The following KCNIP4 variants were observed in gnomAD, a reference collection of about 807,000 sequenced individuals.
KCNIP4 encodes potassium voltage-gated channel interacting protein 4, also known as Kv channel-interacting protein 4.
In KCNIP4, 12 loss-of-function variants were observed where a neutral mutation model predicts 34.0. The observed-to-expected ratio is 0.35, with a 90% CI of 0.23 to 0.57. The LOEUF is 0.57. KCNIP4 is among the 20% of genes least tolerant of loss of function. KCNIP4 has a pLI of 0.83. For missense variants in KCNIP4, 238 were observed against 311.7 expected (o/e 0.76, Z 1.78); for synonymous variants, 124 against 102.2 (o/e 1.21, Z -1.29).
intron 1 of KCNIP4, among the ~76,000 whole-genome samples, chr4:21,779,823 C>T (rs934687211): frequency 3.3e-5 from 5 of 151,694 alleles, no homozygotes; most frequent in Middle Eastern, 3.2e-3. Flanking sequence ...CCCAGCCTGT[C>T]GGGAGGCTGA....
At chr4:21,598,814 G>A (rs1449217379) in intron 1 of KCNIP4, among the ~76,000 whole-genome samples, 2 of 152,010 alleles carry the variant, frequency 1.3e-5, no homozygotes, top group Non-Finnish European at 2.9e-5. Context: ...TCCAATTTAC[G>A]AATTTTCAGT....
intron 1 of KCNIP4, among the ~76,000 whole-genome samples, chr4:21,370,353 G>A (rs1720218011): frequency 6.8e-6 from 1 of 146,568 alleles, no homozygotes; most frequent in South Asian, 2.1e-4. Flanking sequence ...TACATGTCAG[G>A]GATCTTTCCT....
chr4:21,586,006 G>T (rs2109082412), intron 1 of KCNIP4, among the ~76,000 whole-genome samples: 1 of 152,116 alleles, frequency 6.6e-6, no homozygotes, highest in Admixed American at 6.6e-5. Flanking sequence ...GAACAATAAT[G>T]ATACTGTTTA....
intron 1 of KCNIP4, among the ~76,000 whole-genome samples, chr4:21,088,110 C>G (rs1275058975): frequency 7.5e-6 from 1 of 132,912 alleles, no homozygotes; most frequent in Non-Finnish European, 1.5e-5. Flanking sequence ...GCCATTGTAT[C>G]TGAAATGTTG....
At chr4:20,883,790 C>T (rs560961086) in intron 1 of KCNIP4, among the ~76,000 whole-genome samples, 58 of 152,276 alleles carry the variant, frequency 3.8e-4, no homozygotes, top group African/African-American at 1.2e-3. Flanking sequence ...CAACAGTATC[C>T]ACTGGCTAAA....
intron 1 of KCNIP4, among the ~76,000 whole-genome samples, chr4:21,760,281 C>T (rs1415770226): frequency 1.3e-5 from 2 of 152,002 alleles, no homozygotes; most frequent in Non-Finnish European, 2.9e-5. Context: ...ATCTTGAGTG[C>T]TCTGCTGATG....
At chr4:21,887,977 T>C (rs1726878605) in intron 1 of KCNIP4, among the ~76,000 whole-genome samples, 2 of 152,064 alleles carry the variant, frequency 1.3e-5, no homozygotes, top group Non-Finnish European at 2.9e-5. Context: ...TGTTCAACTA[T>C]GATAGTTCAT....
chr4:21,846,464 A>T (rs1724021722), intron 1 of KCNIP4: 2 of 152,108 alleles, frequency 1.3e-5, no homozygotes, highest in South Asian at 4.1e-4. Context: ...CAAGTCATCT[A>T]ACAAGTCTGT....
chr4:21,827,225 T>C (rs545208864), intron 1 of KCNIP4, among the ~76,000 whole-genome samples: 1 of 152,114 alleles, frequency 6.6e-6, no homozygotes, highest in East Asian at 1.9e-4. Flanking sequence ...AAAAATCCAG[T>C]GTATGGTGGT....
At chr4:20,831,377 T>C (rs951558108) in intron 3 of KCNIP4, among the ~76,000 whole-genome samples, 1 of 152,142 alleles carries the variant, frequency 6.6e-6, no homozygotes, top group African/African-American at 2.4e-5. Context: ...TCTCTTTGCA[T>C]TGAACCACAC....
At chr4:21,905,627 T>A (rs1221111976) in intron 1 of KCNIP4, among the ~76,000 whole-genome samples, 1 of 152,122 alleles carries the variant, frequency 6.6e-6, no homozygotes, top group Non-Finnish European at 1.5e-5. Flanking sequence ...AAACACCGGA[T>A]GTTCTCACTC....
intron 3 of KCNIP4, among the ~76,000 whole-genome samples, chr4:20,784,950 A>T (rs559941990): frequency 1.3e-5 from 2 of 152,170 alleles, no homozygotes; most frequent in Non-Finnish European, 2.9e-5. Context: ...GCATTCCCCC[A>T]TTCCAGCATG....
At chr4:20,760,482 C>G (rs1296385663) in intron 3 of KCNIP4, among the ~76,000 whole-genome samples, 1 of 152,138 alleles carries the variant, frequency 6.6e-6, no homozygotes, top group Non-Finnish European at 1.5e-5. Flanking sequence ...CTGTAATGTG[C>G]TTCACCTGCA....
intron 1 of KCNIP4, among the ~76,000 whole-genome samples, chr4:21,659,033 A>G (rs995034799): frequency 5.9e-5 from 9 of 152,242 alleles, no homozygotes; most frequent in Non-Finnish European, 8.8e-5. Context: ...TAATTTAATT[A>G]GCAGTTTAAA....
intron 3 of KCNIP4, among the ~76,000 whole-genome samples, chr4:20,773,525 G>GTTTCCTTTTTATGAACGGTGAC (rs1431245822): frequency 6.6e-6 from 1 of 152,200 alleles, no homozygotes; most frequent in Non-Finnish European, 1.5e-5. Flanking sequence ...GGGCTCTCTG[G>GTTTCCTTTTTATGAACGGTGAC]AGCTCAGACG....
intron 1 of KCNIP4, among the ~76,000 whole-genome samples, chr4:21,556,930 A>AAC (rs1553903109): frequency 9.2e-6 from 1 of 108,194 alleles, no homozygotes. Flanking sequence ...CAGAAAAAAA[A>AAC]AAAAAAAAAA....
At chr4:21,785,249 T>C (rs1489047411) in intron 1 of KCNIP4, among the ~76,000 whole-genome samples, 1 of 37,282 alleles carries the variant, frequency 2.7e-5, no homozygotes, top group Non-Finnish European at 6.6e-5. Flanking sequence ...ATTTAAAGGT[T>C]TGTGCAGCTA....
intron 1 of KCNIP4, among the ~76,000 whole-genome samples, chr4:21,691,177 G>C (rs1234964626): frequency 6.6e-6 from 1 of 152,186 alleles, no homozygotes; most frequent in Non-Finnish European, 1.5e-5. Context: ...CTCCTGCTTA[G>C]AGTAGCTTTC....
intron 1 of KCNIP4, among the ~76,000 whole-genome samples, chr4:21,795,806 G>A (rs113793027): frequency 2.4e-4 from 36 of 152,210 alleles, no homozygotes; most frequent in African/African-American, 8.4e-4. Context: ...GGTGGCTCAC[G>A]CCTGTAATCC....
Sources: allele counts gnomAD v4.1 joint callset (sites outside exome capture counted in the v4.1 genomes callset), GRCh38; gene constraint gnomAD v4.1.1; transcripts MANE v1.5; gene names NCBI Gene and HGNC (gene_info 2026-07-23, HGNC 2026-07-21).